Variants in TGFBI observed in about 807,000 individuals in gnomAD.
TGFBI encodes transforming growth factor beta induced, also known as transforming growth factor-beta-induced protein ig-h3.
Under a neutral mutation model 73.7 loss-of-function variants are expected in TGFBI, and 50 were observed. The ratio of observed to expected loss-of-function variants is 0.68; its 90% CI spans 0.54 to 0.86. TGFBI has a LOEUF of 0.86. Ranked by LOEUF, TGFBI falls within the 40% of genes least tolerant of loss-of-function variation. TGFBI has a pLI of 0.00. For missense variants in TGFBI, 839 were observed against 877.0 expected (o/e 0.96, Z 0.55); for synonymous variants, 362 against 360.5 (o/e 1.00, Z -0.05).
chr5:136,063,001 C>T lies in TGFBI; in HGVS notation c.2012-185C>T, dbSNP rs553180218. Among the ~76,000 whole-genome samples, 4 of 152,292 alleles carry T rather than the reference C, an allele frequency of 2.6e-5. No homozygotes were observed. In the East Asian group the frequency reaches 7.7e-4, roughly 29 times the overall value. On this transcript the variant is annotated intron_variant, in intron 16 of 16. Transcript: ENST00000442011. ...GGATCTAGTTCCAAGTTGATAGGTA[C>T]AGAAAACCAGAACATCGGGCCTTGA...
rs180713598 is a variant in TGFBI, at chr5:136,061,568, G to T, written c.1975G>T (p.Ala659Ser). 6.2e-7 allele frequency: 1 copy of T among 1,613,558 alleles called. No homozygotes were observed. The highest frequency in any genetic ancestry group is 2.2e-5 in the East Asian group (1 of 44,870). Residue 659 changes from alanine to serine, a missense_variant, in exon 15 of 17, where the codon GCG becomes TCG. Coordinates refer to ENST00000442011, the MANE Select transcript of TGFBI (RefSeq NM_000358.3). ...SALEIFKQASAFSRASQRSVR... is the reference protein window; with the variant it reads ...SALEIFKQASSFSRASQRSVR... Reference sequence around the variant, plus strand: ...GCTTGAGATCTTCAAACAAGCATCAGCGTTTTCCAGGGTAAGATGCCTGCT... The same window carrying T: ...GCTTGAGATCTTCAAACAAGCATCATCGTTTTCCAGGGTAAGATGCCTGCT...
chr5:136,051,516 T>C (rs1290519293), intron 7 of TGFBI, among the ~76,000 whole-genome samples: 7 of 152,208 alleles, frequency 4.6e-5, no homozygotes, highest in Admixed American at 4.6e-4. Flanking sequence ...CTTCGTCCCT[T>C]TTGCAAATCT....
Position 136,060,828 on chromosome 5 carries a change from T to C in TGFBI, c.1804-6T>C. The C allele has an allele frequency of 6.3e-7, 1 of 1,591,334 alleles. No homozygotes were observed. Among genetic ancestry groups the C allele is most frequent in the African/African-American group, 1.3e-5 (1 of 74,830 alleles). On this transcript the variant is annotated splice_region_variant and splice_polypyrimidine_tract_variant and intron_variant, in intron 13 of 16. Coordinates refer to ENST00000442011, the MANE Select transcript of TGFBI (RefSeq NM_000358.3). The stretch of plus-strand genomic sequence containing the variant: ...ACTTTCAACCACTACTCTGTTTTTC[T>C]TTTAGAAAAACAATGTGGTGAGTGT...
intron 12 of TGFBI, among the ~76,000 whole-genome samples, chr5:136,058,320 G>A (rs932825175): frequency 2.0e-5 from 3 of 152,184 alleles, no homozygotes; most frequent in African/African-American, 7.2e-5. Context: ...AAGCCCTGGG[G>A]AAATTTAGCC....
At position 136,054,152 on chromosome 5, in the gene TGFBI, ACT is replaced by A. The variant is rs2126913690; in HGVS notation, c.1264+76_1264+77del. The A allele has an allele frequency of 1.5e-5, 24 of 1,562,008 alleles. No individual in the cohort carries two copies. The South Asian group carries it at 2.1e-4, about 14-fold the overall frequency. ...TCCCCACCCCTGTCACCTCCACAAC[ACT>A]CTCCGATTTACAGCACCCCATGGGA... On this transcript the variant is annotated intron_variant, in intron 9 of 16. Coordinates refer to ENST00000442011, the MANE Select transcript of TGFBI (RefSeq NM_000358.3).
At chr5:136,039,053 TTCAATGTACTTTTA>T (rs1334919979) in intron 2 of TGFBI, among the ~76,000 whole-genome samples, 1 of 152,210 alleles carries the variant, frequency 6.6e-6, no homozygotes, top group Non-Finnish European at 1.5e-5. Flanking sequence ...TTTTCTTTAT[TTCAATGTACTTTTA>T]TCAATGGTCT....
chr5:136,058,476 G>A (rs913871227), intron 12 of TGFBI, among the ~76,000 whole-genome samples: 6 of 152,192 alleles, frequency 3.9e-5, no homozygotes, highest in African/African-American at 1.4e-4. Flanking sequence ...GATGTGGGCT[G>A]AAAGGAATGC....
At chr5:136,051,527 G>C (rs1751535478) in intron 7 of TGFBI, among the ~76,000 whole-genome samples, 2 of 152,200 alleles carry the variant, frequency 1.3e-5, no homozygotes, top group African/African-American at 4.8e-5. Flanking sequence ...TTGCAAATCT[G>C]CCTTTTCCTA....
chr5:136,055,003 A>G, intron 10 of TGFBI, 142 bp downstream of exon 10: 1 of 1,025,478 alleles, frequency 9.8e-7, no homozygotes, highest in Non-Finnish European at 1.4e-6. Context: ...TCTGGAAAAT[A>G]TAGATAACAA....
intron 7 of TGFBI, among the ~76,000 whole-genome samples, chr5:136,052,054 C>G (rs1472993746): frequency 6.6e-6 from 1 of 152,010 alleles, no homozygotes; most frequent in Admixed American, 6.5e-5. Flanking sequence ...TCCAGGCCAC[C>G]TGCTCAGCCT....
intron 2 of TGFBI, among the ~76,000 whole-genome samples, chr5:136,037,351 T>G (rs2126904335): frequency 6.6e-6 from 1 of 152,314 alleles, no homozygotes; most frequent in African/African-American, 2.4e-5. Flanking sequence ...CATCCCCCTC[T>G]GTGATTTCAG....
chr5:136,044,001 G>T, intron 2 of TGFBI, 57 bp from the exon 3 acceptor site: 2 of 1,475,678 alleles, frequency 1.4e-6, no homozygotes, highest in South Asian at 2.3e-5. Context: ...GGGGCCAGAT[G>T]ACCTGTGAGG....
intron 6 of TGFBI, 124 bp downstream of exon 6, chr5:136,047,544 C>T (rs1751453895): frequency 8.9e-7 from 1 of 1,127,006 alleles, no homozygotes; most frequent in Non-Finnish European, 1.3e-6. Context: ...AGAGCAGGTT[C>T]CCCTGAATGC....
chr5:136,062,359 C>T (rs995299754), intron 15 of TGFBI, among the ~76,000 whole-genome samples: 8 of 152,058 alleles, frequency 5.3e-5, no homozygotes, highest in Non-Finnish European at 1.2e-4. Flanking sequence ...AGCTTCTACT[C>T]CTGAGGCCAC....
At position 136,055,756 on chromosome 5, in the gene TGFBI, G is replaced by T; in HGVS notation, c.1487G>T (p.Arg496Leu). ...GRYGTLFTMD[R>L]VLTPPMGTVM... is the part of the protein sequence containing the mutation. ...TACGGGACCCTGTTCACGATGGACC[G>T]GGTGCTGACCCCCCCAATGGGGACT... Residue 496 changes from arginine (R) to leucine (L), a missense_variant, in exon 11 of 17, where the codon CGG becomes CTG. Arg to Leu is a moderately radical substitution (Grantham distance 102). Transcript: ENST00000442011. The T allele has an allele frequency of 6.2e-7, 1 of 1,612,780 alleles. No homozygotes were observed. The highest frequency in any genetic ancestry group is 1.1e-5 in the South Asian group (1 of 90,844).
At chr5:136,033,391 T>C (rs1311273405) in intron 1 of TGFBI, among the ~76,000 whole-genome samples, 1 of 152,164 alleles carries the variant, frequency 6.6e-6, no homozygotes, top group Admixed American at 6.5e-5. Flanking sequence ...ACAGTAACAA[T>C]GGCTTGTCTT....
chr5:136,048,878 C>A (rs945212008), intron 6 of TGFBI: 21 of 153,232 alleles, frequency 1.4e-4, no homozygotes, highest in Admixed American at 1.4e-3. Context: ...GAGTGCATCT[C>A]CATCCTGGGA....
chr5:136,063,111 T>G, intron 16 of TGFBI, 75 bp from the exon 17 acceptor site: 770 of 1,400,992 alleles, frequency 5.5e-4, no homozygotes, highest in Non-Finnish European at 7.0e-4. Flanking sequence ...CCCTGGTCCT[T>G]GAGATTCTGA....
chr5:136,033,851 G>A lies in TGFBI; in HGVS notation c.223G>A (p.Gly75Ser), dbSNP rs1484821454. ...GCAGTGGTACCAAAGGAAAATCTGTGGCAAATCAACGTGAGTATCTGTAAC... is the reference window on the plus strand; with the variant it reads ...GCAGTGGTACCAAAGGAAAATCTGTAGCAAATCAACGTGAGTATCTGTAAC... ...CKQWYQRKIC[G>S]KSTVISYECC... Residue 75 changes from glycine (G) to serine (S), a missense_variant, in exon 2 of 17, where the codon GGC (glycine) becomes AGC (serine). Physicochemically the swap from Gly to Ser is moderately conservative, Grantham distance 56 (BLOSUM62 0). Coordinates refer to ENST00000442011, the MANE Select transcript of TGFBI (RefSeq NM_000358.3). 6.2e-7 allele frequency: 1 copy of A among 1,613,500 alleles called. No individual in the cohort carries two copies. Among genetic ancestry groups the A allele is most frequent in the Non-Finnish European group, 8.5e-7 (1 of 1,179,780 alleles).
Sources: allele counts gnomAD v4.1 joint callset (sites outside exome capture counted in the v4.1 genomes callset), GRCh38; gene constraint gnomAD v4.1.1; transcripts MANE v1.5; gene names NCBI Gene and HGNC (gene_info 2026-07-23, HGNC 2026-07-21).